ERAP1: variants seen among roughly 807,000 people sequenced by gnomAD.
ERAP1 encodes adipocyte-derived leucine aminopeptidase.
Under a neutral mutation model 103.7 loss-of-function variants are expected in ERAP1, and 86 were observed. The ratio of observed to expected loss-of-function variants is 0.83; its 90% confidence interval spans 0.70 to 0.99. The LOEUF (loss-of-function observed/expected upper bound fraction) is 0.99, where lower values mean the gene tolerates loss of function less well. ERAP1 is among the 50% of genes least tolerant of loss of function. ERAP1 has a pLI of 0.00. For missense variants in ERAP1, 1,009 were observed against 1,128.4 expected, an observed-to-expected ratio of 0.89 and a Z score of 1.52; for synonymous variants, 398 against 402.4, an observed-to-expected ratio of 0.99 and a Z score of 0.13.
chr5:96,777,162 C>T (rs1774450791), intron 18 of ERAP1, among the ~76,000 whole-genome samples: 1 of 152,170 alleles, frequency 6.6e-6, no homozygotes, highest in Non-Finnish European at 1.5e-5. Context: ...TTGGCTACCT[C>T]CTGAAAAATA....
the ERAP1 span, chr5:96,883,821 C>G: frequency 6.2e-7 from 1 of 1,613,008 alleles, no homozygotes; most frequent in Non-Finnish European, 8.5e-7. Flanking sequence ...TTTGAGCCAA[C>G]CCAGGCACGC....
chr5:96,774,806 T>TTTTATACCTA lies in ERAP1; in HGVS notation c.*1580_*1589dup, dbSNP rs1773769113. ...ATAAGTATAAAAATTCCAATTCCAC[T>TTTTATACCTA]TTTATACCTATTTATTTGTTGTAGT... On this transcript the variant is annotated 3_prime_UTR_variant, in exon 19 of 19. Transcript: ENST00000443439. 1 of 984,866 alleles carries TTTTATACCTA rather than the reference T, an allele frequency of 1.0e-6. No individual in the cohort carries two copies. The highest frequency in any genetic ancestry group is 1.7e-5 in the African/African-American group (1 of 57,232). 61.0% of individuals were successfully genotyped at this position (984,866 alleles called of 1,614,324 possible).
the ERAP1 span, chr5:96,873,322 T>C: frequency 8.8e-6 from 4 of 456,150 alleles, no homozygotes; most frequent in East Asian, 1.4e-4. Context: ...GCAACACTGA[T>C]AGGTGCTAGA....
the ERAP1 span, among the ~76,000 whole-genome samples, chr5:96,921,572 C>G: frequency 6.6e-6 from 1 of 152,192 alleles, no homozygotes. Context: ...ATTTCTTACT[C>G]GTTTCTACAA....
intron 13 of ERAP1, 106 bp downstream of exon 13, chr5:96,785,682 T>G (rs1329126708): frequency 1.5e-6 from 2 of 1,293,652 alleles, no homozygotes; most frequent in Non-Finnish European, 2.2e-6. Context: ...AAAACACCTT[T>G]CAACTTCTTG....
the ERAP1 span, among the ~76,000 whole-genome samples, chr5:96,922,576 A>G: frequency 2.0e-5 from 3 of 152,198 alleles, no homozygotes; most frequent in Non-Finnish European, 4.4e-5. Flanking sequence ...CTGGGGGCAA[A>G]CAGGTAGAGA....
At chr5:96,905,949 T>TC in the ERAP1 span, among the ~76,000 whole-genome samples, 1 of 150,836 alleles carries the variant, frequency 6.6e-6, no homozygotes, top group East Asian at 1.9e-4. Context: ...TTTTAATTTT[T>TC]TTTTTTTTTT....
chr5:96,889,214 G>A, the ERAP1 span: 18 of 1,614,094 alleles, frequency 1.1e-5, no homozygotes, highest in Non-Finnish European at 1.4e-5. Flanking sequence ...CAGACAAACG[G>A]AATCAAACAC....
the ERAP1 span, chr5:96,895,150 CT>C: frequency 3.0e-6 from 2 of 659,128 alleles, no homozygotes; most frequent in African/African-American, 4.8e-5. Context: ...GAGATCCTAA[CT>C]AATAAAAAAA....
At chr5:96,853,191 G>T in the ERAP1 span, among the ~76,000 whole-genome samples, 23 of 152,244 alleles carry the variant, frequency 1.5e-4, no homozygotes, top group Non-Finnish European at 3.1e-4. Context: ...AAGAATAAAT[G>T]AGCCTTTAGG....
the ERAP1 span, among the ~76,000 whole-genome samples, chr5:96,849,927 T>C: frequency 6.6e-6 from 1 of 152,000 alleles, no homozygotes; most frequent in East Asian, 1.9e-4. Flanking sequence ...ACCAATGGAA[T>C]AGAATAGAAA....
At chr5:96,873,493 G>T in the ERAP1 span, 20 of 454,756 alleles carry the variant, frequency 4.4e-5, 1 homozygote, top group South Asian at 9.3e-5. Flanking sequence ...TTCCAAAGTG[G>T]CTTCTTGGGG....
At position 96,783,853 on chromosome 5, in the gene ERAP1, ACATACACACAC is replaced by A; in HGVS notation, c.2100+60_2100+70del. ...CACACACACACACACACACACACACACATACACACACAATGATTAACACTTTTTAACACAAA... is the reference window on the plus strand; with the variant it reads ...CACACACACACACACACACACACACAAATGATTAACACTTTTTAACACAAA... On this transcript the variant is annotated intron_variant, in intron 14 of 18. Coordinates refer to ENST00000443439, the MANE Select transcript of ERAP1 (RefSeq NM_001040458.3). The A allele has an allele frequency of 1.5e-5, 6 of 398,918 alleles. 1 individual carries two copies. Among genetic ancestry groups the A allele is most frequent in the Non-Finnish European group, 2.0e-5 (6 of 304,094 alleles). 24.7% of individuals were successfully genotyped at this position (398,918 alleles called of 1,614,324 possible).
the ERAP1 span, among the ~76,000 whole-genome samples, chr5:96,851,998 C>A: frequency 1.3e-5 from 2 of 152,142 alleles, no homozygotes; most frequent in Non-Finnish European, 2.9e-5. Context: ...AGCAAAGAAA[C>A]TTAGAGCAGT....
At chr5:96,894,840 T>C in the ERAP1 span, among the ~76,000 whole-genome samples, 1 of 152,138 alleles carries the variant, frequency 6.6e-6, no homozygotes, top group Admixed American at 6.6e-5. Flanking sequence ...CCCAGGACAC[T>C]TGGATTTATA....
chr5:96,771,542 C>T (rs1772318854), downstream of ERAP1: 1 of 753,672 alleles, frequency 1.3e-6, no homozygotes, highest in South Asian at 1.9e-5. Flanking sequence ...TCTTATTTTT[C>T]CCCACTGACT....
chr5:96,804,017 T>C, intron 1 of ERAP1, 74 bp from the exon 2 acceptor site: 2 of 1,519,520 alleles, frequency 1.3e-6, no homozygotes, highest in Non-Finnish European at 1.8e-6. Context: ...TTTCAGAATG[T>C]ATCCACCCAG....
chr5:96,891,005 T>C, the ERAP1 span, among the ~76,000 whole-genome samples: 2 of 152,166 alleles, frequency 1.3e-5, no homozygotes, highest in Non-Finnish European at 2.9e-5. Flanking sequence ...TAAGTCCCAC[T>C]ACTATAAAAT....
the ERAP1 span, among the ~76,000 whole-genome samples, chr5:96,852,820 T>A: frequency 6.6e-6 from 1 of 152,220 alleles, no homozygotes; most frequent in African/African-American, 2.4e-5. Context: ...TATATTCATT[T>A]TCTCTTGGCA....
Sources: allele counts gnomAD v4.1 joint callset (sites outside exome capture counted in the v4.1 genomes callset), GRCh38; gene constraint gnomAD v4.1.1; transcripts MANE v1.5; gene names NCBI Gene and HGNC (gene_info 2026-07-23, HGNC 2026-07-21).